RAB3IL1: variants seen among roughly 807,000 people sequenced by gnomAD.
RAB3IL1 encodes RAB3A interacting protein like 1, also known as guanine nucleotide exchange factor for Rab-3A.
A neutral mutation model predicts 49.2 loss-of-function variants in RAB3IL1; 37 were observed. The observed-to-expected ratio is 0.75, with a 90% CI of 0.58 to 0.99. The LOEUF is 0.99. Among genes scored for constraint, RAB3IL1 ranks in the 50% least tolerant of loss-of-function variants. The pLI, the probability that RAB3IL1 is intolerant of heterozygous loss-of-function variation, is 0.00. For synonymous variants in RAB3IL1, 193 were observed against 213.9 expected, an observed-to-expected ratio of 0.90 and a Z score of 0.85; for missense variants, 484 against 513.0, an observed-to-expected ratio of 0.94 and a Z score of 0.55.
At chr11:61,900,836 G>T (rs1460039538) in intron 8 of RAB3IL1, among the ~76,000 whole-genome samples, 1 of 152,188 alleles carries the variant, frequency 6.6e-6, no homozygotes, top group African/African-American at 2.4e-5. Context: ...AGGTGACATT[G>T]TTGAGCACGG....
chr11:61,918,482 G>T (rs538306437), upstream of RAB3IL1, among the ~76,000 whole-genome samples: 150 of 152,308 alleles, frequency 9.8e-4, no homozygotes, highest in African/African-American at 3.2e-3. Context: ...TCAGATCTTC[G>T]TTTGAGGATA....
rs1939180886 is a variant in RAB3IL1 at position 61,906,357 on chromosome 11, G to A, written c.657+109C>T. ...CACATCCCAGAGAGGCGCAGGACAGGCTCCAGGTCACACAGCATGGGGCAG... is the reference window on the plus strand; with the variant it reads ...CACATCCCAGAGAGGCGCAGGACAGACTCCAGGTCACACAGCATGGGGCAG... On this transcript the variant is annotated intron_variant, in intron 5 of 9. Coordinates refer to ENST00000394836, the MANE Select transcript of RAB3IL1 (RefSeq NM_013401.4). The surrounding 1 kb of genome is among the most constrained non-coding windows in gnomAD (Gnocchi z 4.6). The A allele has an allele frequency of 2.9e-6, 3 of 1,017,030 alleles. No homozygotes were observed. The highest frequency in any genetic ancestry group is 4.4e-6 in the Non-Finnish European group (3 of 679,582). 63.0% of individuals were successfully genotyped at this position (1,017,030 alleles called of 1,614,324 possible). A position where few individuals can be genotyped will look rare whatever the true frequency, so the allele number is the denominator to read the frequency against.
chr11:61,901,754 T>C (rs755110910), intron 8 of RAB3IL1, among the ~76,000 whole-genome samples: 14 of 152,230 alleles, frequency 9.2e-5, no homozygotes, highest in Non-Finnish European at 1.6e-4. Context: ...AGGAACTGAA[T>C]GCTGCCAACA....
upstream of RAB3IL1, among the ~76,000 whole-genome samples, chr11:61,923,428 C>A (rs900853630): frequency 6.6e-6 from 1 of 152,276 alleles, no homozygotes; most frequent in South Asian, 2.1e-4. Flanking sequence ...AGCTCAGTCA[C>A]GAGGGGAGGC....
intron 8 of RAB3IL1, among the ~76,000 whole-genome samples, chr11:61,900,153 G>T (rs1938831462): frequency 6.6e-6 from 1 of 152,232 alleles, no homozygotes; most frequent in Non-Finnish European, 1.5e-5. Context: ...CTTGCCTCAG[G>T]GTGGAATCAA....
chr11:61,932,613 G>T, the RAB3IL1 span, among the ~76,000 whole-genome samples: 1 of 151,916 alleles, frequency 6.6e-6, no homozygotes, highest in East Asian at 1.9e-4. Flanking sequence ...GCTTTATAGG[G>T]CTTACAATGT....
In RAB3IL1 at chr11:61,902,449, C is replaced by T. The variant is rs1376080218; in HGVS notation, c.992G>A (p.Arg331Gln). Residue 331 changes from arginine to glutamine, a missense_variant, in exon 8 of 10, where the codon CGG (arginine) becomes CAG (glutamine). Transcript: ENST00000394836. ...TTGCAAAGGCTGACTCACCCTGGCC[C>T]GGGAAGATGGCGAGATGTAGTAATG... is the stretch of plus-strand genomic sequence containing the variant. ...KSHYYISPSS[R>Q]ARITAVCNFF... 2.5e-6 allele frequency: 4 copies of T among 1,590,264 alleles called. No homozygotes were observed. The highest frequency in any genetic ancestry group is 2.3e-5 in the East Asian group (1 of 43,942).
chr11:61,932,273 G>T, the RAB3IL1 span, among the ~76,000 whole-genome samples: 1 of 151,812 alleles, frequency 6.6e-6, no homozygotes, highest in Non-Finnish European at 1.5e-5. Context: ...AAAAGAAAAT[G>T]AAGGGGGTAA....
At chr11:61,937,445 A>G in the RAB3IL1 span, among the ~76,000 whole-genome samples, 1 of 152,024 alleles carries the variant, frequency 6.6e-6, no homozygotes, top group Non-Finnish European at 1.5e-5. Context: ...AGCTGGGACT[A>G]CAGGTGCACA....
intron 7 of RAB3IL1, 78 bp from the exon 8 acceptor site, chr11:61,902,619 C>T: frequency 7.6e-7 from 1 of 1,313,050 alleles, no homozygotes. Flanking sequence ...AGGGAAGATG[C>T]AGCAGCTGAG....
upstream of RAB3IL1, among the ~76,000 whole-genome samples, chr11:61,922,170 C>T (rs1266238339): frequency 3.3e-5 from 5 of 150,216 alleles, no homozygotes; most frequent in Admixed American, 3.3e-4. Flanking sequence ...GATCACGCCA[C>T]TGCATTCCAG....
At chr11:61,901,372 G>A (rs1291205663) in intron 8 of RAB3IL1, among the ~76,000 whole-genome samples, 1 of 152,178 alleles carries the variant, frequency 6.6e-6, no homozygotes, top group East Asian at 1.9e-4. Context: ...TGGGAGCTGG[G>A]ATTCCTAGAG....
intron 5 of RAB3IL1, among the ~76,000 whole-genome samples, chr11:61,905,215 G>A (rs1939124795): frequency 6.6e-6 from 1 of 152,222 alleles, no homozygotes; most frequent in Non-Finnish European, 1.5e-5. Context: ...ACTAGCAGGA[G>A]GCCACAGGTA....
chr11:61,898,268 GGGCCGCGCCCTAA>G lies in RAB3IL1; in HGVS notation c.1146_*9del, dbSNP rs1565354813. 1.9e-6 allele frequency: 3 copies of G among 1,611,624 alleles called. No homozygotes were observed. In the Admixed American group the frequency reaches 5.0e-5, roughly 27 times the overall value. ...TGTCTCAGAGCTCCCCTTCAGGCCT[GGGCCGCGCCCTAA>G]GCCTCCTGGGGGAAGAAGCCGAGCT... is the stretch of plus-strand genomic sequence containing the variant. On this transcript the variant is annotated stop_lost and 3_prime_UTR_variant, in exon 10 of 10. Transcript: ENST00000394836. The surrounding 1 kb of genome is among the most constrained non-coding windows in gnomAD (Gnocchi z 5.1).
At chr11:61,909,609 TG>T (rs1413705477) in intron 1 of RAB3IL1, among the ~76,000 whole-genome samples, 2 of 152,136 alleles carry the variant, frequency 1.3e-5, no homozygotes, top group Non-Finnish European at 2.9e-5. Flanking sequence ...AGGATTAAGG[TG>T]GGGACACATA....
chr11:61,927,834 G>A, the RAB3IL1 span, among the ~76,000 whole-genome samples: 2 of 152,024 alleles, frequency 1.3e-5, no homozygotes, highest in Non-Finnish European at 2.9e-5. Context: ...AGCCATGATC[G>A]TAAGTTTCCT....
In RAB3IL1 at chr11:61,917,379, G is replaced by A. The variant is rs926286164; in HGVS notation, c.-12C>T. The A allele has an allele frequency of 8.0e-7, 1 of 1,246,036 alleles. No individual in the cohort carries two copies. Among genetic ancestry groups the A allele is most frequent in the Non-Finnish European group, 1.0e-6 (1 of 996,906 alleles). 77.2% of individuals were successfully genotyped at this position (1,246,036 alleles called of 1,614,324 possible). A position where few individuals can be genotyped will look rare whatever the true frequency, so the allele number is the denominator to read the frequency against. On this transcript the variant is annotated 5_prime_UTR_variant, in exon 1 of 10. Coordinates refer to ENST00000394836, the MANE Select transcript of RAB3IL1 (RefSeq NM_013401.4). ...TACCCGCTCCACATCCCGGCGCCTC[G>A]GGGCGCCCAGGCGTCCGTTCCCAGC...
upstream of RAB3IL1, among the ~76,000 whole-genome samples, chr11:61,919,038 T>C (rs866973798): frequency 6.6e-6 from 1 of 152,190 alleles, no homozygotes; most frequent in African/African-American, 2.4e-5. Context: ...CCCTCATCAG[T>C]TGGTCTTGAG....
Position 61,906,776 on chromosome 11 carries a change from C to A in RAB3IL1, c.439-92G>T, listed in dbSNP as rs149473334. 8.2e-6 allele frequency: 10 copies of A among 1,216,396 alleles called. No individual in the cohort carries two copies. In the Admixed American group the frequency reaches 1.4e-4, roughly 17 times the overall value. 75.4% of individuals were successfully genotyped at this position (1,216,396 alleles called of 1,614,324 possible). On this transcript the variant is annotated intron_variant, in intron 4 of 9. Transcript: ENST00000394836. This position sits in a 1 kb window ranked among gnomAD's most constrained non-coding sequence, Gnocchi z 4.6. ...TCAGCCTAACTCAGGACAATGCACC[C>A]CTGCAGTGACAGGCACTTAGTCCCA... is the stretch of plus-strand genomic sequence containing the variant.
Sources: gnomAD v4.1 joint callset for allele counts (sites outside exome capture counted in the v4.1 genomes callset) on GRCh38, gnomAD v4.1.1 for gene constraint, Gnocchi (gnomAD v3.1) non-coding constraint, MANE v1.5 for transcripts, NCBI Gene and HGNC (gene_info 2026-07-23, HGNC 2026-07-21) for gene names.